CCDC192: variants seen among roughly 807,000 people sequenced by gnomAD.
CCDC192 encodes the protein coiled-coil domain containing 192.
chr5:127,919,626 G>A (rs754753965), intron 6 of CCDC192, among the ~76,000 whole-genome samples: 8 of 152,130 alleles, frequency 5.3e-5, no homozygotes, highest in Non-Finnish European at 1.0e-4. Flanking sequence ...CTCAGAGCAC[G>A]GCATTGTTCT....
chr5:127,766,154 A>G (rs893375572), intron 3 of CCDC192, among the ~76,000 whole-genome samples: 13 of 152,272 alleles, frequency 8.5e-5, no homozygotes, highest in African/African-American at 3.1e-4. Flanking sequence ...GGTTTAAGGG[A>G]GGAAAGGGTA....
chr5:127,924,937 GA>G (rs1320751565), intron 6 of CCDC192, among the ~76,000 whole-genome samples: 1 of 148,510 alleles, frequency 6.7e-6, no homozygotes, highest in African/African-American at 2.6e-5. Context: ...GGAAGCTATG[GA>G]AAAAAAATCA....
intron 5 of CCDC192, among the ~76,000 whole-genome samples, chr5:127,850,346 A>T (rs73783996): frequency 0.016 from 2,409 of 152,302 alleles, 58 homozygotes; most frequent in African/African-American, 0.056. Context: ...AGGTACTCCC[A>T]GGGCTAATGC....
chr5:127,819,691 A>C (rs999408774), intron 5 of CCDC192, among the ~76,000 whole-genome samples: 3 of 152,184 alleles, frequency 2.0e-5, no homozygotes, highest in Non-Finnish European at 4.4e-5. Flanking sequence ...TATAGATTGC[A>C]CCATAGATTC....
chr5:127,772,972 G>T (rs938757624), intron 3 of CCDC192, among the ~76,000 whole-genome samples: 1 of 152,030 alleles, frequency 6.6e-6, no homozygotes, highest in Non-Finnish European at 1.5e-5. Flanking sequence ...ACTTACTGAG[G>T]TTGTCATTTG....
At position 127,757,735 on chromosome 5, in the gene CCDC192, G is replaced by A. The variant is rs1343952872; in HGVS notation, c.222+3360G>A. On this transcript the variant is annotated intron_variant, in intron 3 of 6. Coordinates refer to ENST00000514853, the MANE Select transcript of CCDC192 (RefSeq NM_001317938.2). ...CAGGCCATGCCACTAAGGGATTGCA[G>A]TAAGACTGTCTTTAGTGTTAAAGAC... Among the ~76,000 whole-genome samples, 9 of 149,756 alleles carry A rather than the reference G, an allele frequency of 6.0e-5. 1 individual carries two copies. In the South Asian group the frequency reaches 1.5e-3, roughly 25 times the overall value.
chr5:127,719,546 T>TACACACACACACACACACACAC (rs1561445022), intron 2 of CCDC192, among the ~76,000 whole-genome samples: 1 of 33,184 alleles, frequency 3.0e-5, no homozygotes, highest in Non-Finnish European at 6.7e-5. Context: ...TATATATATA[T>TACACACACACACACACACACAC]ATATATATAT....
At chr5:127,897,166 A>T (rs1028756460) in intron 6 of CCDC192, among the ~76,000 whole-genome samples, 8 of 151,962 alleles carry the variant, frequency 5.3e-5, no homozygotes, top group African/African-American at 1.9e-4. Context: ...CTCACATATG[A>T]CTATTATTTG....
intron 6 of CCDC192, among the ~76,000 whole-genome samples, chr5:127,923,515 C>G (rs768222201): frequency 3.3e-5 from 5 of 151,984 alleles, no homozygotes; most frequent in Non-Finnish European, 7.4e-5. Flanking sequence ...GTAGCTGGGA[C>G]TACAGGCGCC....
chr5:127,718,763 T>C (rs964153003), intron 2 of CCDC192, among the ~76,000 whole-genome samples: 1 of 152,180 alleles, frequency 6.6e-6, no homozygotes, highest in Non-Finnish European at 1.5e-5. Flanking sequence ...TTTTTAATTG[T>C]TATGGGTACA....
intron 2 of CCDC192, among the ~76,000 whole-genome samples, chr5:127,728,756 TGAATAAAGA>T (rs1280939081): frequency 3.3e-5 from 5 of 152,142 alleles, no homozygotes; most frequent in Admixed American, 1.3e-4. Flanking sequence ...AATGGCAGGC[TGAATAAAGA>T]GTCAAGACCC....
chr5:127,878,813 T>C lies in CCDC192; in HGVS notation c.535+3152T>C, dbSNP rs11241944. Among the ~76,000 whole-genome samples the C allele has an allele frequency of 6.0e-5, 9 of 149,556 alleles. No individual in the cohort carries two copies. The South Asian group carries it at 1.5e-3, about 26-fold the overall frequency. On this transcript the variant is annotated intron_variant, in intron 6 of 6. Transcript: ENST00000514853. ...ACCTTGGGCAGTATGGCCATTTTCATGATATTGATTCTTCCTACCCATGAG... is the reference window on the plus strand; with the variant it reads ...ACCTTGGGCAGTATGGCCATTTTCACGATATTGATTCTTCCTACCCATGAG...
chr5:127,930,821 C>G (rs1754007485), intron 6 of CCDC192, among the ~76,000 whole-genome samples: 2 of 152,216 alleles, frequency 1.3e-5, no homozygotes, highest in South Asian at 4.1e-4. Flanking sequence ...ACACACTGCA[C>G]TCTGCTCACC....
chr5:127,788,571 ATATTT>A (rs1756693480), intron 3 of CCDC192, among the ~76,000 whole-genome samples: 1 of 152,100 alleles, frequency 6.6e-6, no homozygotes, highest in South Asian at 2.1e-4. Context: ...CATTTTCTAT[ATATTT>A]TATGTCCTTT....
intron 3 of CCDC192, among the ~76,000 whole-genome samples, chr5:127,766,958 A>G (rs1755263067): frequency 6.6e-6 from 1 of 152,340 alleles, no homozygotes; most frequent in East Asian, 1.9e-4. Flanking sequence ...CCTAACCTCA[A>G]GGACTTTCCC....
chr5:127,730,346 C>T (rs1338334214), intron 2 of CCDC192, among the ~76,000 whole-genome samples: 1 of 152,130 alleles, frequency 6.6e-6, no homozygotes, highest in African/African-American at 2.4e-5. Flanking sequence ...TCTGAATAGA[C>T]CAATTACAAG....
At chr5:127,714,208 T>C (rs1472729351) in intron 2 of CCDC192, among the ~76,000 whole-genome samples, 3 of 152,222 alleles carry the variant, frequency 2.0e-5, no homozygotes, top group African/African-American at 7.2e-5. Context: ...TTCTATTGTG[T>C]AAATAGATCA....
chr5:127,871,639 C>T (rs944510660), intron 5 of CCDC192, among the ~76,000 whole-genome samples: 3 of 152,100 alleles, frequency 2.0e-5, no homozygotes, highest in South Asian at 2.1e-4. Flanking sequence ...TGGGTAATTG[C>T]CACGGTTTAA....
intron 6 of CCDC192, among the ~76,000 whole-genome samples, chr5:127,915,470 C>G (rs1400004785): frequency 6.6e-6 from 1 of 152,216 alleles, no homozygotes; most frequent in Non-Finnish European, 1.5e-5. Flanking sequence ...CAGCCTCTGC[C>G]TCCCGGGTTC....
Sources: allele counts gnomAD v4.1 joint callset (sites outside exome capture counted in the v4.1 genomes callset), GRCh38; gene constraint gnomAD v4.1.1; transcripts MANE v1.5; gene names NCBI Gene and HGNC (gene_info 2026-07-23, HGNC 2026-07-21).